The following PIK3R4 variants were observed in gnomAD, a reference collection of about 807,000 sequenced individuals.
PIK3R4 encodes phosphoinositide 3-kinase regulatory subunit 4.
In PIK3R4, 46 loss-of-function variants were observed where a neutral mutation model predicts 136.5. That is an observed-to-expected ratio of 0.34 (90% CI 0.27 to 0.43). The LOEUF (loss-of-function observed/expected upper bound fraction) is 0.43, where lower values mean the gene tolerates loss of function less well. Among genes scored for constraint, PIK3R4 ranks in the 20% least tolerant of loss-of-function variants. The pLI is 1.00. For missense variants in PIK3R4, 1,331 were observed against 1,649.5 expected, an observed-to-expected ratio of 0.81 and a Z score of 3.35; for synonymous variants, 557 against 566.7, an observed-to-expected ratio of 0.98 and a Z score of 0.24.
In PIK3R4 at chr3:130,705,786, GAATTCT is replaced by G; in HGVS notation, c.2722-21_2722-16del. The G allele has an allele frequency of 1.3e-6, 2 of 1,490,882 alleles. No individual in the cohort carries two copies. The highest frequency in any genetic ancestry group is 1.9e-6 in the Non-Finnish European group (2 of 1,069,456). 92.4% of individuals were successfully genotyped at this position (1,490,882 alleles called of 1,614,324 possible). A position where few individuals can be genotyped will look rare whatever the true frequency, so the allele number is the denominator to read the frequency against. On this transcript the variant is annotated splice_polypyrimidine_tract_variant and intron_variant, in intron 11 of 19. Coordinates refer to ENST00000356763, the MANE Select transcript of PIK3R4 (RefSeq NM_014602.3). ...ACTTCTGGAACCTACAAAACAAATA[GAATTCT>G]AACTATTTACGTCGTAAGCAAAGTA... is the stretch of plus-strand genomic sequence containing the variant.
chr3:130,710,888 A>G (rs2066629290), intron 9 of PIK3R4, among the ~76,000 whole-genome samples: 2 of 152,044 alleles, frequency 1.3e-5, no homozygotes, highest in Admixed American at 6.6e-5. Context: ...GCATAAAGTG[A>G]CAAGCTGACT....
chr3:130,718,710 T>C (rs930475735), intron 7 of PIK3R4, among the ~76,000 whole-genome samples, 176 bp from the exon 8 acceptor site: 2 of 152,226 alleles, frequency 1.3e-5, no homozygotes, highest in African/African-American at 4.8e-5. Flanking sequence ...CACACTGTTA[T>C]TATAATATTC....
At chr3:130,684,143 T>C in intron 16 of PIK3R4, 107 bp downstream of exon 16, 2 of 961,730 alleles carry the variant, frequency 2.1e-6, no homozygotes, top group South Asian at 3.1e-5. Flanking sequence ...CAATCAAGCA[T>C]TCAGTTCATA....
At chr3:130,680,583 A>C in intron 19 of PIK3R4, 30 bp downstream of exon 19, 1 of 1,233,228 alleles carries the variant, frequency 8.1e-7, no homozygotes, top group Middle Eastern at 1.9e-4. Flanking sequence ...GTGCTTACAA[A>C]AGGTGAAAGG....
chr3:130,701,750 A>T (rs1295178557), intron 13 of PIK3R4, among the ~76,000 whole-genome samples: 1 of 152,086 alleles, frequency 6.6e-6, no homozygotes, highest in Non-Finnish European at 1.5e-5. Flanking sequence ...AAGAAAAAAG[A>T]GCTATAAATA....
chr3:130,700,325 G>C (rs1325608096), intron 13 of PIK3R4, among the ~76,000 whole-genome samples: 1 of 152,108 alleles, frequency 6.6e-6, no homozygotes, highest in Non-Finnish European at 1.5e-5. Context: ...CACTGTGATA[G>C]AACTCCATTT....
chr3:130,679,259 T>C lies in PIK3R4; in HGVS notation c.*56A>G, dbSNP rs983479371. On this transcript the variant is annotated 3_prime_UTR_variant, in exon 20 of 20. Transcript: ENST00000356763. ...GAATCTGTTCTCTAGAAATGCCTTT[T>C]CTCGAGTTATAGTATTATATTTATA... 2.7e-6 allele frequency: 3 copies of C among 1,109,082 alleles called. No homozygotes were observed. Among genetic ancestry groups the C allele is most frequent in the Non-Finnish European group, 3.7e-6 (3 of 813,290 alleles). The allele number at this position is 1,109,082 out of a possible 1,614,324, so 68.7% of individuals were successfully genotyped here.
chr3:130,722,706 A>G (rs977476274), intron 7 of PIK3R4, among the ~76,000 whole-genome samples: 2 of 152,014 alleles, frequency 1.3e-5, no homozygotes, highest in African/African-American at 4.8e-5. Flanking sequence ...CAAGTGCCCA[A>G]AAATAATTTT....
At chr3:130,697,621 C>G (rs2066553429) in intron 13 of PIK3R4, among the ~76,000 whole-genome samples, 1 of 152,078 alleles carries the variant, frequency 6.6e-6, no homozygotes, top group South Asian at 2.1e-4. Context: ...AAAAACTTTG[C>G]TCTAATATGT....
chr3:130,739,868 TATAAC>T, intron 2 of PIK3R4, among the ~76,000 whole-genome samples: 1 of 152,316 alleles, frequency 6.6e-6, no homozygotes, highest in South Asian at 2.1e-4. Context: ...CCTACTAAGT[TATAAC>T]ATAAATCTTA....
At chr3:130,686,144 C>A (rs2108515617) in intron 15 of PIK3R4, 67 bp downstream of exon 15, 3 of 947,656 alleles carry the variant, frequency 3.2e-6, no homozygotes, top group South Asian at 1.4e-5. Flanking sequence ...AAACTGATTT[C>A]ACAAGACAGC....
rs751976795 is a variant in PIK3R4 at position 130,718,443 on chromosome 3, G to C, written c.2073C>G (p.Val691=). 1.2e-6 allele frequency: 2 copies of C among 1,613,354 alleles called. No homozygotes were observed. The highest frequency in any genetic ancestry group is 2.2e-5 in the South Asian group (2 of 91,062). The change falls in exon 8 of 20, where the codon GTC becomes GTG. Residue 691 remains valine (V), a synonymous_variant. Coordinates refer to ENST00000356763, the MANE Select transcript of PIK3R4 (RefSeq NM_014602.3). ...VVARQISTAD[V]YCKLMPYLDP... ...CAAGATAAGGCATCAGTTTACAGTA[G>C]ACATCAGCTGTACTTATTTGACGAG...
chr3:130,679,385 G>A lies in PIK3R4; in HGVS notation c.4007C>T (p.Ala1336Val), dbSNP rs531376166. The change falls in exon 20 of 20, where the codon GCC becomes GTC. Residue 1336 changes from alanine (A) to valine (V), a missense_variant. Physicochemically the swap from Ala to Val is moderately conservative, Grantham distance 64 (BLOSUM62 0). Coordinates refer to ENST00000356763, the MANE Select transcript of PIK3R4 (RefSeq NM_014602.3). ...VGHHDIITDV[A>V]TFQTTQGFIV... is the part of the protein sequence containing the mutation. ...GAAGCCCTGTGTGGTCTGGAATGTGGCGACATCAGTGATGATGTCATGATG... is the reference window on the plus strand; with the variant it reads ...GAAGCCCTGTGTGGTCTGGAATGTGACGACATCAGTGATGATGTCATGATG... 1.9e-6 allele frequency: 3 copies of A among 1,612,706 alleles called. No homozygotes were observed. The highest frequency in any genetic ancestry group is 1.1e-5 in the South Asian group (1 of 91,036).
intron 2 of PIK3R4, among the ~76,000 whole-genome samples, chr3:130,739,164 C>T (rs1039157870): frequency 6.6e-6 from 1 of 152,258 alleles, no homozygotes; most frequent in Non-Finnish European, 1.5e-5. Context: ...GCAAGCTCCG[C>T]CTCCCTGGTT....
chr3:130,684,323 A>C lies in PIK3R4; in HGVS notation c.3534T>G (p.Ser1178Arg), dbSNP rs2066476578. Residue 1178 changes from serine (S) to arginine (R), a missense_variant, in exon 16 of 20, where the codon AGT (serine) becomes AGG (arginine). Ser to Arg is a moderately radical substitution (Grantham distance 110). Around this residue, in one of 2 missense-constraint regions of PIK3R4, gnomAD observed 1,180 missense variants for 1,407.0 expected, o/e 0.84. Coordinates refer to ENST00000356763, the MANE Select transcript of PIK3R4 (RefSeq NM_014602.3). ...TTCGAGCCCTGGAAGGATGACAGTG[A>C]CTTGAAATTGGCAACTGGAACCTCA... ...WDMRFQLPIS[S>R]HCHPSRARIR... 6.2e-7 allele frequency: 1 copy of C among 1,613,306 alleles called. No individual in the cohort carries two copies. Among genetic ancestry groups the C allele is most frequent in the East Asian group, 2.2e-5 (1 of 44,866 alleles).
Position 130,690,671 on chromosome 3 carries a change from T to C in PIK3R4, c.3099-17A>G. On this transcript the variant is annotated splice_polypyrimidine_tract_variant and intron_variant, in intron 13 of 19. Coordinates refer to ENST00000356763, the MANE Select transcript of PIK3R4 (RefSeq NM_014602.3). Reference sequence around the variant, plus strand: ...AGAATAGATCTGAATGAAAGAAAAATAAAATTCATTTATGAACCAATGTCA... The same window carrying C: ...AGAATAGATCTGAATGAAAGAAAAACAAAATTCATTTATGAACCAATGTCA... The C allele has an allele frequency of 6.5e-7, 1 of 1,536,214 alleles. No homozygotes were observed. Among genetic ancestry groups the C allele is most frequent in the Non-Finnish European group, 8.9e-7 (1 of 1,122,432 alleles).
At chr3:130,742,781 T>G (rs1268293911) in intron 2 of PIK3R4, among the ~76,000 whole-genome samples, 2 of 152,174 alleles carry the variant, frequency 1.3e-5, no homozygotes, top group Non-Finnish European at 2.9e-5. Context: ...ATCACAAAAT[T>G]TACCAAAAAT....
chr3:130,686,315 C>G lies in PIK3R4; in HGVS notation c.3371G>C (p.Trp1124Ser). The change falls in exon 15 of 20, where the codon TGG becomes TCG. Residue 1124 changes from tryptophan to serine, a missense_variant. Trp to Ser is a radical substitution (Grantham distance 177). Transcript: ENST00000356763. ...CGCATTGCTTGAAGACCTAAGGTCC[C>G]AGCCAACCAGAGAGCCATTCACAGT... ...YATVNGSLVG[W>S]DLRSSSNAWT... is the part of the protein sequence containing the mutation. The G allele has an allele frequency of 6.2e-7, 1 of 1,613,484 alleles. No homozygotes were observed. The highest frequency in any genetic ancestry group is 8.5e-7 in the Non-Finnish European group (1 of 1,179,494).
intron 12 of PIK3R4, among the ~76,000 whole-genome samples, chr3:130,704,905 A>G (rs993328936): frequency 3.3e-5 from 5 of 152,096 alleles, no homozygotes; most frequent in Non-Finnish European, 5.9e-5. Context: ...ATCTCAGCTC[A>G]CTGCAACCTC....
Sources: gnomAD v4.1 joint callset for allele counts (sites outside exome capture counted in the v4.1 genomes callset) on GRCh38, gnomAD v4.1.1 for gene constraint, gnomAD v4.1.1 regional missense constraint, MANE v1.5 for transcripts, NCBI Gene and HGNC (gene_info 2026-07-23, HGNC 2026-07-21) for gene names.